The following LHFPL2 variants were observed in gnomAD, a reference collection of about 807,000 sequenced individuals.
The protein encoded by LHFPL2 is LHFPL tetraspan subfamily member 2.
A neutral mutation model predicts 17.5 loss-of-function variants in LHFPL2; 7 were observed. The ratio of observed to expected loss-of-function variants is 0.40; its 90% CI spans 0.23 to 0.75. The LOEUF (loss-of-function observed/expected upper bound fraction) is 0.75, where lower values mean the gene tolerates loss of function less well. Among genes scored for constraint, LHFPL2 ranks in the 30% least tolerant of loss-of-function variants. The pLI, the probability that LHFPL2 is intolerant of heterozygous loss-of-function variation, is 0.37. For synonymous variants in LHFPL2, 134 were observed against 116.2 expected (o/e 1.15, Z -0.99); for missense variants, 241 against 294.8 (o/e 0.82, Z 1.34).
At chr5:78,529,303 T>G (rs1447968376) in intron 3 of LHFPL2, among the ~76,000 whole-genome samples, 6 of 151,976 alleles carry the variant, frequency 3.9e-5, no homozygotes, top group African/African-American at 1.5e-4. Flanking sequence ...ATAATAAGAA[T>G]TAAAAGTTTG....
chr5:78,530,634 C>G (rs1291428582), intron 3 of LHFPL2, among the ~76,000 whole-genome samples: 2 of 152,186 alleles, frequency 1.3e-5, no homozygotes, highest in Non-Finnish European at 2.9e-5. Context: ...GACTCTGTAC[C>G]TATTGGGTCA....
At chr5:78,584,680 T>C (rs1036200676) in intron 2 of LHFPL2, among the ~76,000 whole-genome samples, 2 of 152,212 alleles carry the variant, frequency 1.3e-5, no homozygotes, top group African/African-American at 4.8e-5. Flanking sequence ...ACCACTGCTC[T>C]CTTCAAAGCT....
At chr5:78,585,268 A>T (rs1271608017) in intron 2 of LHFPL2, among the ~76,000 whole-genome samples, 1 of 94,518 alleles carries the variant, frequency 1.1e-5, no homozygotes. Context: ...CGGCCTCCCA[A>T]AGTGCTGGGA....
intron 2 of LHFPL2, among the ~76,000 whole-genome samples, chr5:78,616,497 GA>G (rs1343109528): frequency 6.6e-6 from 1 of 152,120 alleles, no homozygotes. Flanking sequence ...TAAAAGTCAC[GA>G]AAGAGGTTAC....
chr5:78,543,872 G>T (rs1437471698), intron 3 of LHFPL2, among the ~76,000 whole-genome samples: 1 of 152,246 alleles, frequency 6.6e-6, no homozygotes, highest in Non-Finnish European at 1.5e-5. Context: ...AAGATGACTT[G>T]GGACGGGAGG....
intron 3 of LHFPL2, among the ~76,000 whole-genome samples, chr5:78,514,147 C>T (rs560724090): frequency 3.7e-4 from 56 of 152,288 alleles, no homozygotes; most frequent in Admixed American, 3.3e-3. Context: ...AACCATAATG[C>T]CTGCTTCCAC....
chr5:78,597,621 C>A (rs904795770), intron 2 of LHFPL2, among the ~76,000 whole-genome samples: 3 of 152,172 alleles, frequency 2.0e-5, no homozygotes, highest in Admixed American at 2.0e-4. Context: ...TTCTTCAATT[C>A]TTCCTTCTTT....
At chr5:78,604,255 A>G (rs1226244298) in intron 2 of LHFPL2, among the ~76,000 whole-genome samples, 1 of 152,212 alleles carries the variant, frequency 6.6e-6, no homozygotes, top group Non-Finnish European at 1.5e-5. Flanking sequence ...AGGCAGGCGG[A>G]TCACCTGAGG....
rs1484185895 is a variant in LHFPL2 at position 78,582,523 on chromosome 5, G to C, written c.-244-17652C>G. On this transcript the variant is annotated intron_variant, in intron 2 of 4. Transcript: ENST00000380345. Reference sequence around the variant, plus strand: ...TTGGTTTCAAAGAACATCTTTATTTGTGCCTTCATTTCGTTATGTACCCAG... The same window carrying C: ...TTGGTTTCAAAGAACATCTTTATTTCTGCCTTCATTTCGTTATGTACCCAG... Among the ~76,000 whole-genome samples, 133 of 151,236 alleles carry C rather than the reference G, an allele frequency of 8.8e-4. No homozygotes were observed. The Middle Eastern group carries it at 0.01, about 12-fold the overall frequency.
chr5:78,561,589 TCAACAAGACA>T (rs1027440157), intron 3 of LHFPL2, among the ~76,000 whole-genome samples: 14 of 152,188 alleles, frequency 9.2e-5, no homozygotes, highest in Non-Finnish European at 1.6e-4. Context: ...AAAACGCAGC[TCAACAAGACA>T]CGGTTCAAAC....
chr5:78,578,406 C>T (rs1205316015), intron 2 of LHFPL2, among the ~76,000 whole-genome samples: 1 of 152,106 alleles, frequency 6.6e-6, no homozygotes, highest in African/African-American at 2.4e-5. Flanking sequence ...TGGGTCCAGG[C>T]TCTCTCTCAC....
chr5:78,605,911 C>A (rs979455264), intron 2 of LHFPL2, among the ~76,000 whole-genome samples: 1 of 152,208 alleles, frequency 6.6e-6, no homozygotes, highest in South Asian at 2.1e-4. Context: ...TTAACCCTCA[C>A]GATCCCCATA....
rs574111600 is a variant in LHFPL2, at chr5:78,539,291, G to A, written c.-186+25522C>T. 2.6e-5 allele frequency among the ~76,000 whole-genome samples: 4 copies of A among 152,312 alleles called. No individual in the cohort carries two copies. In the South Asian group the frequency reaches 8.3e-4, roughly 32 times the overall value. On this transcript the variant is annotated intron_variant, in intron 3 of 4. Transcript: ENST00000380345. ...TTGGTCTTGGACCTCCCAGACTCCA[G>A]AACTGTGAGAAATAAATGTCTGTTC...
At chr5:78,543,644 C>T (rs1240174092) in intron 3 of LHFPL2, among the ~76,000 whole-genome samples, 2 of 152,196 alleles carry the variant, frequency 1.3e-5, no homozygotes, top group Non-Finnish European at 2.9e-5. Flanking sequence ...AAGCCCAGGG[C>T]AGCCCCACTA....
chr5:78,561,497 G>A (rs1207267182), intron 3 of LHFPL2, among the ~76,000 whole-genome samples: 3 of 152,172 alleles, frequency 2.0e-5, no homozygotes, highest in African/African-American at 4.8e-5. Context: ...TGCTGCGTTC[G>A]CCCATGAGGG....
intron 3 of LHFPL2, among the ~76,000 whole-genome samples, chr5:78,543,158 C>G (rs959118489): frequency 4.6e-5 from 7 of 152,156 alleles, no homozygotes; most frequent in Non-Finnish European, 1.0e-4. Flanking sequence ...AATGGCACAC[C>G]TGGTCCAACC....
Position 78,487,088 on chromosome 5 carries a change from A to G in LHFPL2, c.*1809T>C, listed in dbSNP as rs1681225557. The G allele has an allele frequency of 6.6e-6, 1 of 152,132 alleles. No homozygotes were observed. The highest frequency in any genetic ancestry group is 1.5e-5 in the Non-Finnish European group (1 of 68,008). 9.4% of individuals were successfully genotyped at this position (152,132 alleles called of 1,614,324 possible). A position where few individuals can be genotyped will look rare whatever the true frequency, so the allele number is the denominator to read the frequency against. On this transcript the variant is annotated 3_prime_UTR_variant, in exon 5 of 5. Transcript: ENST00000380345. ...GATACCCGTTTTTTTCTTCACCAAA[A>G]TCACAGGATTTACATCTCACTCACT...
At chr5:78,576,903 T>G (rs1169684964) in intron 2 of LHFPL2, among the ~76,000 whole-genome samples, 1 of 152,210 alleles carries the variant, frequency 6.6e-6, no homozygotes, top group South Asian at 2.1e-4. Context: ...ATTTTATAGA[T>G]CATTTAAAGC....
intron 3 of LHFPL2, among the ~76,000 whole-genome samples, chr5:78,564,292 T>A (rs1444796622): frequency 6.6e-6 from 1 of 152,196 alleles, no homozygotes; most frequent in African/African-American, 2.4e-5. Flanking sequence ...GTCACTAATA[T>A]TTTCAAAAAG....
Sources: gnomAD v4.1 joint callset for allele counts (sites outside exome capture counted in the v4.1 genomes callset) on GRCh38, gnomAD v4.1.1 for gene constraint, MANE v1.5 for transcripts, NCBI Gene and HGNC (gene_info 2026-07-23, HGNC 2026-07-21) for gene names.